The following CTBP2 variants were observed in gnomAD, a reference collection of about 807,000 sequenced individuals.
CTBP2 encodes the protein C-terminal-binding protein 2.
In CTBP2, 30 loss-of-function variants were observed where a neutral mutation model predicts 80.3. That is an observed-to-expected ratio of 0.37 (90% CI 0.28 to 0.51). The LOEUF (loss-of-function observed/expected upper bound fraction) is 0.51, where lower values mean the gene tolerates loss of function less well. Among genes scored for constraint, CTBP2 ranks in the 20% least tolerant of loss-of-function variants. The pLI is 0.93. For missense variants in CTBP2, 1,212 were observed against 1,375.3 expected, an observed-to-expected ratio of 0.88 and a Z score of 1.88; for synonymous variants, 594 against 587.4, an observed-to-expected ratio of 1.01 and a Z score of -0.16.
chr10:124,997,732 C>T (rs1257443248), intron 4 of CTBP2: 8 of 577,792 alleles, frequency 1.4e-5, no homozygotes, highest in African/African-American at 3.7e-5. Flanking sequence ...CCAGACACTA[C>T]AGACAGCAGT....
intron 2 of CTBP2, among the ~76,000 whole-genome samples, chr10:125,081,037 C>A (rs1442535348): frequency 6.6e-6 from 1 of 151,890 alleles, no homozygotes; most frequent in African/African-American, 2.4e-5. Flanking sequence ...TCAAAGTTAA[C>A]CCCACCAATA....
chr10:125,091,695 G>A (rs868730570), intron 2 of CTBP2, among the ~76,000 whole-genome samples: 2 of 152,318 alleles, frequency 1.3e-5, no homozygotes, highest in African/African-American at 2.4e-5. Context: ...GCTTGAGCCC[G>A]GAGGTCAAGA....
chr10:125,027,672 C>T lies in CTBP2; in HGVS notation c.88G>A (p.Glu30Lys), dbSNP rs762107393. The T allele has an allele frequency of 1.8e-5, 29 of 1,613,864 alleles. No homozygotes were observed. Among genetic ancestry groups the T allele is most frequent in the Non-Finnish European group, 2.0e-5 (24 of 1,180,026 alleles). Reference sequence around the variant, plus strand: ...CTCCTCCCCAGAGGCCGCAGGGACTCGGCGTTCTCCCAGGGGCCCTCGTAC... The same window carrying T: ...CTCCTCCCCAGAGGCCGCAGGGACTTGGCGTTCTCCCAGGGGCCCTCGTAC... Residue 30 changes from glutamate to lysine, a missense_variant, in exon 1 of 9, where the codon GAG becomes AAG. Around this residue, in one of 3 missense-constraint regions of CTBP2, gnomAD observed 848 missense variants for 782.3 expected, o/e 1.08. Coordinates refer to ENST00000309035, the MANE Select transcript of CTBP2 (RefSeq NM_022802.3).
At chr10:125,025,113 T>C (rs1354129319) in intron 1 of CTBP2, among the ~76,000 whole-genome samples, 4 of 151,508 alleles carry the variant, frequency 2.6e-5, no homozygotes, top group Non-Finnish European at 1.5e-5. Context: ...GTAGATCTTA[T>C]TGTTTCATCC....
intron 1 of CTBP2, among the ~76,000 whole-genome samples, chr10:125,003,710 C>A (rs776538091): frequency 1.3e-5 from 2 of 151,878 alleles, no homozygotes; most frequent in Non-Finnish European, 3.0e-5. Flanking sequence ...GAGACGCACA[C>A]GGCTGCTTCC....
At chr10:125,093,824 G>C in intron 2 of CTBP2, among the ~76,000 whole-genome samples, 1 of 152,290 alleles carries the variant, frequency 6.6e-6, no homozygotes, top group East Asian at 1.9e-4. Flanking sequence ...CCCTCCCACG[G>C]CCTCGCTGGG....
At position 125,038,784 on chromosome 10, in the gene CTBP2, C is replaced by A. The variant is rs2289431; in HGVS notation, c.58+213G>T. ...CAGCCCTGAAACTGTCCTCCTAGTC[C>A]CCAACCCCGCCCCAGAAGCCAGGCC... On this transcript the variant is annotated intron_variant, in intron 3 of 10. Coordinates refer to the CTBP2 transcript ENST00000337195. 0.27 allele frequency among the ~76,000 whole-genome samples: 41,452 copies of A among 152,036 alleles called. 6,039 individuals are homozygous for A. Among genetic ancestry groups the A allele is most frequent in the Admixed American group, 0.33 (5,021 of 15,286 alleles).
At chr10:125,008,860 C>G (rs542680362) in intron 1 of CTBP2, among the ~76,000 whole-genome samples, 161 of 152,364 alleles carry the variant, frequency 1.1e-3, no homozygotes, top group Non-Finnish European at 1.8e-3. Context: ...AAATATTTGC[C>G]TTAGCATGCT....
chr10:125,058,527 T>C (rs6597878), intron 2 of CTBP2, among the ~76,000 whole-genome samples: 36,362 of 152,006 alleles, frequency 0.24, 5,409 homozygotes, highest in African/African-American at 0.43. Flanking sequence ...CGCGGTGGCT[T>C]ACACCTGTAA....
intron 1 of CTBP2, among the ~76,000 whole-genome samples, chr10:125,143,210 G>A (rs1435769334): frequency 1.3e-5 from 2 of 152,128 alleles, no homozygotes; most frequent in East Asian, 1.9e-4. Flanking sequence ...TCAGCCGGCC[G>A]GGTGTGTTGG....
chr10:125,089,405 C>T (rs1470542962), intron 2 of CTBP2, among the ~76,000 whole-genome samples: 1 of 152,206 alleles, frequency 6.6e-6, no homozygotes, highest in Admixed American at 6.5e-5. Flanking sequence ...GACAGTTGAA[C>T]TTCCGAAGTC....
chr10:125,141,882 C>T (rs978044009), intron 1 of CTBP2, among the ~76,000 whole-genome samples: 2 of 152,220 alleles, frequency 1.3e-5, no homozygotes, highest in South Asian at 2.1e-4. Context: ...AGCCACTTCC[C>T]CCACAGAGAA....
chr10:125,160,596 G>GCCCTCCCCACCCTCCCTCCGCTCCCCTC (rs1443213893), upstream of CTBP2: 1 of 20,190 alleles, frequency 5.0e-5, no homozygotes, highest in African/African-American at 2.1e-4. Context: ...TCCCCCTCCC[G>GCCCTCCCCACCCTCCCTCCGCTCCCCTC]CCCTCCCCAC....
intron 2 of CTBP2, among the ~76,000 whole-genome samples, chr10:125,064,793 A>G (rs1844376494): frequency 6.6e-6 from 1 of 152,236 alleles, no homozygotes; most frequent in Non-Finnish European, 1.5e-5. Context: ...GTGGGGATTC[A>G]GCCCAAGGCT....
At chr10:125,098,756 G>GAC (rs140018147) in intron 2 of CTBP2, among the ~76,000 whole-genome samples, 97 of 123,716 alleles carry the variant, frequency 7.8e-4, no homozygotes, top group African/African-American at 1.8e-3. Context: ...GAGACAGAGA[G>GAC]AGAGAGAGAG....
intron 1 of CTBP2, among the ~76,000 whole-genome samples, chr10:125,015,693 T>C (rs1274164579): frequency 1.3e-5 from 2 of 152,202 alleles, no homozygotes; most frequent in Admixed American, 6.5e-5. Context: ...TGGATACCGC[T>C]GGTGGAGGTG....
At chr10:125,154,159 A>C (rs1860508169) in intron 1 of CTBP2, among the ~76,000 whole-genome samples, 2 of 152,250 alleles carry the variant, frequency 1.3e-5, no homozygotes, top group South Asian at 2.1e-4. Context: ...GAGGAAGCAC[A>C]AATCAGCAAT....
chr10:125,088,907 T>TCC (rs1236218109), intron 2 of CTBP2, among the ~76,000 whole-genome samples: 3 of 152,212 alleles, frequency 2.0e-5, no homozygotes, highest in African/African-American at 7.2e-5. Flanking sequence ...TATCAGTTCT[T>TCC]CCAAGCCAAA....
At chr10:125,006,637 T>G (rs1240014829) in intron 1 of CTBP2, among the ~76,000 whole-genome samples, 1 of 152,260 alleles carries the variant, frequency 6.6e-6, no homozygotes, top group Admixed American at 6.5e-5. Context: ...ATCCCCCATC[T>G]TACCTCACAC....
Sources: allele counts gnomAD v4.1 joint callset (sites outside exome capture counted in the v4.1 genomes callset), GRCh38; gene constraint gnomAD v4.1.1; regional missense constraint gnomAD v4.1.1; transcripts MANE v1.5; gene names NCBI Gene and HGNC (gene_info 2026-07-23, HGNC 2026-07-21).